The following METTL13 variants were observed in gnomAD, a reference collection of about 807,000 sequenced individuals.
METTL13 encodes methyltransferase 13, eEF1A N-terminus and K55, also known as eEF1A lysine and N-terminal methyltransferase.
A neutral mutation model predicts 67.4 loss-of-function variants in METTL13; 52 were observed. The ratio of observed to expected loss-of-function variants is 0.77; its 90% CI spans 0.62 to 0.97. METTL13 has a LOEUF of 0.97. METTL13 is among the 50% of genes least tolerant of loss of function. METTL13 has a pLI of 0.00. For missense variants in METTL13, 825 were observed against 889.6 expected, an observed-to-expected ratio of 0.93 and a Z score of 0.92; for synonymous variants, 354 against 353.6, an observed-to-expected ratio of 1.00 and a Z score of -0.01.
chr1:171,782,263 A>G (rs1025888596), intron 1 of METTL13, 143 bp downstream of exon 1: 10 of 756,050 alleles, frequency 1.3e-5, no homozygotes, highest in Non-Finnish European at 2.2e-5. Context: ...TGTTCCTGCT[A>G]AAAGACAAAC....
intron 3 of METTL13, among the ~76,000 whole-genome samples, chr1:171,787,397 G>A (rs763125952): frequency 3.3e-5 from 5 of 152,008 alleles, no homozygotes; most frequent in Non-Finnish European, 7.4e-5. Flanking sequence ...CCCTTCCTGA[G>A]GGTTCCCTCT....
In METTL13 at chr1:171,797,026, C is replaced by T; in HGVS notation, c.*270C>T. 2.3e-6 allele frequency: 1 copy of T among 439,124 alleles called. No homozygotes were observed. The highest frequency in any genetic ancestry group is 2.3e-5 in the South Asian group (1 of 43,926). The allele number at this position is 439,124 out of a possible 1,614,324, so 27.2% of individuals were successfully genotyped here. A position where few individuals can be genotyped will look rare whatever the true frequency, so the allele number is the denominator to read the frequency against. On this transcript the variant is annotated 3_prime_UTR_variant, in exon 8 of 8. Transcript: ENST00000361735. ...TGAGTGGAGTTCCCTGCTGAAGCCCCTAGCACACACTGCATGCCTTAACAA... is the reference window on the plus strand; with the variant it reads ...TGAGTGGAGTTCCCTGCTGAAGCCCTTAGCACACACTGCATGCCTTAACAA...
intron 2 of METTL13, 124 bp downstream of exon 2, chr1:171,784,623 G>GC: frequency 6.4e-6 from 8 of 1,253,248 alleles, no homozygotes; most frequent in Non-Finnish European, 8.3e-6. Flanking sequence ...TTTTTGTCTT[G>GC]CAGGGGTTTG....
intron 6 of METTL13, among the ~76,000 whole-genome samples, chr1:171,793,215 A>G (rs1473909954): frequency 1.3e-5 from 2 of 152,204 alleles, no homozygotes; most frequent in African/African-American, 4.8e-5. Context: ...AACAGATGCT[A>G]TCTTAATTTT....
chr1:171,792,286 A>G, intron 6 of METTL13, 51 bp downstream of exon 6: 1 of 1,602,266 alleles, frequency 6.2e-7, no homozygotes, highest in Non-Finnish European at 8.5e-7. Context: ...TTGATGCGAC[A>G]TTGTCAGGCC....
At chr1:171,782,189 C>T in intron 1 of METTL13, 69 bp downstream of exon 1, 1 of 1,367,980 alleles carries the variant, frequency 7.3e-7, no homozygotes, top group Non-Finnish European at 1.0e-6. Context: ...AGGAATCTTG[C>T]ACTTGGTGGA....
At chr1:171,785,087 T>C (rs188981445) in intron 2 of METTL13, among the ~76,000 whole-genome samples, 5 of 152,332 alleles carry the variant, frequency 3.3e-5, no homozygotes, top group Non-Finnish European at 7.4e-5. Context: ...CTTGATGGGA[T>C]TGTAACTCTG....
rs764272823 is a variant in METTL13, at chr1:171,784,386, G to A, written c.800G>A (p.Ser267Asn). 1.3e-6 allele frequency: 2 copies of A among 1,567,614 alleles called. No individual in the cohort carries two copies. Among genetic ancestry groups the A allele is most frequent in the Admixed American group, 1.8e-5 (1 of 55,408 alleles). Residue 267 changes from serine (S) to asparagine (N), a missense_variant, in exon 2 of 8, where the codon AGT (serine) becomes AAT (asparagine). Coordinates refer to ENST00000361735, the MANE Select transcript of METTL13 (RefSeq NM_015935.5). Reference protein sequence around the residue: ...SQLRRKARLGSVSLDLCDGDT... With the variant: ...SQLRRKARLGNVSLDLCDGDT... ...CTGCGCCGCAAGGCCAGGCTGGGGA[G>A]TGTGTCTCTGGACTTGTGCGATGGG...
chr1:171,794,296 C>T (rs1457843368), intron 6 of METTL13, 100 bp from the exon 7 acceptor site: 9 of 1,531,750 alleles, frequency 5.9e-6, no homozygotes, highest in African/African-American at 4.1e-5. Flanking sequence ...CTAACTTAGT[C>T]ACCATGCCCA....
Position 171,782,110 on chromosome 1 carries a change from C to T in METTL13, c.143C>T (p.Pro48Leu). The part of the protein sequence containing the change: ...LCGVLHKYIK[P>L]REKVLVIGCG... The stretch of plus-strand genomic sequence containing the variant: ...GGGGTGCTACATAAATATATCAAGC[C>T]CAGGGAAAAGGTGAGGAGCGCGGGT... Residue 48 changes from proline (P) to leucine (L), a missense_variant, in exon 1 of 8, where the codon CCC becomes CTC. Transcript: ENST00000361735. The T allele has an allele frequency of 1.2e-6, 2 of 1,613,704 alleles. No individual in the cohort carries two copies. The highest frequency in any genetic ancestry group is 1.1e-5 in the South Asian group (1 of 91,068).
Position 171,787,737 on chromosome 1 carries a change from C to T in METTL13, c.1116C>T (p.Val372=), listed in dbSNP as rs759164691. 6.2e-7 allele frequency: 1 copy of T among 1,610,440 alleles called. No individual in the cohort carries two copies. The highest frequency in any genetic ancestry group is 8.5e-7 in the Non-Finnish European group (1 of 1,177,036). The change falls in exon 4 of 8, where the codon GTC becomes GTT. Residue 372 remains valine, a splice_region_variant and synonymous_variant. Transcript: ENST00000361735. ...CACATCTCTGGTTGTACCTTCAGGT[C>T]CCCTTTCTGTCTGTGGGTGGGGACA... ...APAGMPTQQQ[V]PFLSVGGDIG... is the part of the protein sequence containing the mutation.
rs1571174301 is a variant in METTL13 at position 171,797,251 on chromosome 1, T to G, written c.*495T>G. On this transcript the variant is annotated 3_prime_UTR_variant, in exon 8 of 8. Coordinates refer to ENST00000361735, the MANE Select transcript of METTL13 (RefSeq NM_015935.5). ...GATTTGAGAGAGCATTTACTCTGTC[T>G]CCCTGTGGATGAAACTGCTGCTGAA... The G allele has an allele frequency of 6.5e-6, 1 of 154,172 alleles. No individual in the cohort carries two copies. 9.6% of individuals were successfully genotyped at this position (154,172 alleles called of 1,614,324 possible). A position where few individuals can be genotyped will look rare whatever the true frequency, so the allele number is the denominator to read the frequency against.
In METTL13 at chr1:171,785,951, G is replaced by T. The variant is rs1353829560; in HGVS notation, c.986G>T (p.Gly329Val). 13 of 1,613,922 alleles carry T rather than the reference G, an allele frequency of 8.1e-6. No homozygotes were observed. The highest frequency in any genetic ancestry group is 1.0e-5 in the Non-Finnish European group (12 of 1,179,990). The change falls in exon 3 of 8, where the codon GGC becomes GTC. Residue 329 changes from glycine (G) to valine (V), a missense_variant. Transcript: ENST00000361735. ...CGGAAACAGCTGGCGGCCAGTGCTG[G>T]CTTCAGGAGGTTGATTACAGTGGCC... ...EGRKQLAASAGFRRLITVALH... is the reference protein window; with the variant it reads ...EGRKQLAASAVFRRLITVALH...
chr1:171,796,949 C>T lies in METTL13; in HGVS notation c.*193C>T, dbSNP rs1211352542. On this transcript the variant is annotated 3_prime_UTR_variant, in exon 8 of 8. Transcript: ENST00000361735. ...AATAAAAATGTCCTTCCCATCTTGT[C>T]CTCTTCAGTACCACTTGGGTTGGTT... is the stretch of plus-strand genomic sequence containing the variant. 4.4e-6 allele frequency: 3 copies of T among 686,134 alleles called. No individual in the cohort carries two copies. The highest frequency in any genetic ancestry group is 7.0e-6 in the Non-Finnish European group (3 of 425,960). The allele number at this position is 686,134 out of a possible 1,614,324, so 42.5% of individuals were successfully genotyped here. A position where few individuals can be genotyped will look rare whatever the true frequency, so the allele number is the denominator to read the frequency against.
At chr1:171,790,779 G>C (rs1657179867) in intron 5 of METTL13, 163 bp downstream of exon 5, 1 of 715,050 alleles carries the variant, frequency 1.4e-6, no homozygotes. Context: ...CTAATTAACT[G>C]TTGCCTCAAA....
chr1:171,783,796 C>T lies in METTL13; in HGVS notation c.210C>T (p.Gly70=). The T allele has an allele frequency of 6.2e-7, 1 of 1,613,996 alleles. No individual in the cohort carries two copies. The highest frequency in any genetic ancestry group is 8.5e-7 in the Non-Finnish European group (1 of 1,179,926). Reference sequence around the variant, plus strand: ...TGAGTGAGCAACTGTATGATGTGGGCTATCGGGATATAGTGAACATCGACA... The same window carrying T: ...TGAGTGAGCAACTGTATGATGTGGGTTATCGGGATATAGTGAACATCGACA... ...SELSEQLYDV[G]YRDIVNIDIS... is the part of the protein sequence containing the mutation. Residue 70 remains glycine, a synonymous_variant, in exon 2 of 8, where the codon GGC becomes GGT. Coordinates refer to ENST00000361735, the MANE Select transcript of METTL13 (RefSeq NM_015935.5).
chr1:171,783,440 C>T (rs1426304707), intron 1 of METTL13, among the ~76,000 whole-genome samples: 1 of 152,164 alleles, frequency 6.6e-6, no homozygotes, highest in Non-Finnish European at 1.5e-5. Context: ...CCTATTAATT[C>T]CTGAGTAATA....
At chr1:171,786,421 C>T (rs1265099125) in intron 3 of METTL13, among the ~76,000 whole-genome samples, 1 of 152,162 alleles carries the variant, frequency 6.6e-6, no homozygotes, top group Non-Finnish European at 1.5e-5. Flanking sequence ...GGTCATTTTG[C>T]TTCTTAGAAC....
At chr1:171,791,338 G>A (rs1324122454) in intron 5 of METTL13, among the ~76,000 whole-genome samples, 1 of 152,200 alleles carries the variant, frequency 6.6e-6, no homozygotes, top group Non-Finnish European at 1.5e-5. Flanking sequence ...CCCTTACTTG[G>A]TGAGGGTGTC....
Sources: gnomAD v4.1 joint callset for allele counts (sites outside exome capture counted in the v4.1 genomes callset) on GRCh38, gnomAD v4.1.1 for gene constraint, MANE v1.5 for transcripts, NCBI Gene and HGNC (gene_info 2026-07-23, HGNC 2026-07-21) for gene names.